The following ABI2 variants were observed in gnomAD, a reference collection of about 807,000 sequenced individuals.
ABI2 encodes abelson interactor 2.
ABI2 carries 25 observed loss-of-function variants against 59.2 expected under a neutral mutation model. The ratio of observed to expected loss-of-function variants is 0.42; its 90% CI spans 0.31 to 0.59. The LOEUF (loss-of-function observed/expected upper bound fraction) is 0.59, where lower values mean the gene tolerates loss of function less well. ABI2 is among the 20% of genes least tolerant of loss of function. The pLI, the probability that ABI2 is intolerant of heterozygous loss-of-function variation, is 0.14. For synonymous variants in ABI2, 213 were observed against 235.5 expected (o/e 0.90, Z 0.87); for missense variants, 545 against 681.8 (o/e 0.80, Z 2.23).
At chr2:203,354,782 C>A (rs1025417421) in intron 1 of ABI2, among the ~76,000 whole-genome samples, 6 of 152,138 alleles carry the variant, frequency 3.9e-5, no homozygotes, top group African/African-American at 1.2e-4. Flanking sequence ...TAACCTAAAT[C>A]TTTTATATTG....
chr2:203,406,918 C>T (rs891552634), intron 9 of ABI2, among the ~76,000 whole-genome samples: 3 of 152,038 alleles, frequency 2.0e-5, no homozygotes, highest in Non-Finnish European at 2.9e-5. Context: ...TTCCATCTGG[C>T]GTAACAAAGG....
chr2:203,386,173 G>C (rs897019485), intron 4 of ABI2, among the ~76,000 whole-genome samples: 8 of 152,104 alleles, frequency 5.3e-5, no homozygotes, highest in African/African-American at 1.9e-4. Context: ...AACAAAACTG[G>C]ACAGAGAATG....
intron 8 of ABI2, among the ~76,000 whole-genome samples, chr2:203,398,521 C>G (rs1242632329): frequency 6.6e-6 from 1 of 152,114 alleles, no homozygotes; most frequent in African/African-American, 2.4e-5. Context: ...TATACAGTAC[C>G]TGAGTTACCA....
At chr2:203,421,029 G>A (rs2098180687) in intron 11 of ABI2, among the ~76,000 whole-genome samples, 1 of 151,884 alleles carries the variant, frequency 6.6e-6, no homozygotes, top group South Asian at 2.1e-4. Flanking sequence ...ATTAGGTGGT[G>A]GGTGGCTAAA....
chr2:203,408,113 G>C (rs2097507617), intron 9 of ABI2, among the ~76,000 whole-genome samples: 1 of 151,880 alleles, frequency 6.6e-6, no homozygotes, highest in African/African-American at 2.4e-5. Flanking sequence ...TTGTTACCAA[G>C]TCATTCTTTT....
At chr2:203,410,547 G>A (rs1252305128) in intron 9 of ABI2, among the ~76,000 whole-genome samples, 1 of 152,120 alleles carries the variant, frequency 6.6e-6, no homozygotes, top group Non-Finnish European at 1.5e-5. Flanking sequence ...AATACACCTT[G>A]GGAAGGAGAG....
At chr2:203,367,452 AC>A (rs2094566599) in intron 2 of ABI2, 1 of 151,406 alleles carries the variant, frequency 6.6e-6, no homozygotes, top group Non-Finnish European at 1.5e-5. Flanking sequence ...ATGGTACCAT[AC>A]CTGCAATAAT....
At chr2:203,365,986 T>C (rs1425763406) in intron 1 of ABI2, among the ~76,000 whole-genome samples, 1 of 152,184 alleles carries the variant, frequency 6.6e-6, no homozygotes, top group East Asian at 1.9e-4. Flanking sequence ...TTGTTTATTT[T>C]TGTTTTTTAA....
At chr2:203,332,067 C>T (rs1202590379) in intron 1 of ABI2, among the ~76,000 whole-genome samples, 5 of 151,598 alleles carry the variant, frequency 3.3e-5, no homozygotes, top group African/African-American at 1.2e-4. Context: ...ACCTCGGCCT[C>T]CCAAAGTGCT....
Position 203,396,786 on chromosome 2 carries a change from C to T in ABI2, c.852C>T (p.Ala284=). 3 of 1,528,430 alleles carry T rather than the reference C, an allele frequency of 2.0e-6. No homozygotes were observed. In the South Asian group the frequency reaches 3.6e-5, roughly 19 times the overall value. 94.7% of individuals were successfully genotyped at this position (1,528,430 alleles called of 1,614,324 possible). A position where few individuals can be genotyped will look rare whatever the true frequency, so the allele number is the denominator to read the frequency against. Residue 284 remains alanine (A), a splice_region_variant and synonymous_variant, in exon 8 of 12, where the codon GCC becomes GCT. Transcript: ENST00000261018. ...CCTCTTACTCCTCTTTCCCCTCAGC[C>T]CCTGCTGGCTCTGCTGGCACTCCTC... is the stretch of plus-strand genomic sequence containing the variant. ...PTPSPPSVFP[A]PAGSAGTPPL... is the part of the protein sequence containing the mutation.
rs554251128 is a variant in ABI2, at chr2:203,397,773, C to A, written c.1033+806C>A. ...TTCTGGGGAGGCCTCAGGAAACTTA[C>A]ACTCATGGCCTAAGGCAGAGGGGAA... is the stretch of plus-strand genomic sequence containing the variant. On this transcript the variant is annotated intron_variant, in intron 8 of 11. Coordinates refer to ENST00000261018, the MANE Select transcript of ABI2 (RefSeq NM_001375670.1). Among the ~76,000 whole-genome samples the A allele has an allele frequency of 4.5e-4, 68 of 152,278 alleles. 2 individuals carry two copies. In the South Asian group the frequency reaches 0.014, roughly 31 times the overall value.
chr2:203,407,410 G>A (rs1171369643), intron 9 of ABI2, among the ~76,000 whole-genome samples: 2 of 152,124 alleles, frequency 1.3e-5, no homozygotes, highest in Non-Finnish European at 2.9e-5. Context: ...AGTTTTTAGA[G>A]CGCTTATTTT....
intron 4 of ABI2, among the ~76,000 whole-genome samples, chr2:203,389,644 A>G (rs1485208762): frequency 6.6e-6 from 1 of 152,212 alleles, no homozygotes; most frequent in African/African-American, 2.4e-5. Context: ...TAGCCATATT[A>G]TTTTTAGAAA....
rs1272714611 is a variant in ABI2 at position 203,396,833 on chromosome 2, C to T, written c.899C>T (p.Ser300Phe). 3 of 1,534,876 alleles carry T rather than the reference C, an allele frequency of 2.0e-6. No individual in the cohort carries two copies. Among genetic ancestry groups the T allele is most frequent in the Non-Finnish European group, 2.6e-6 (3 of 1,146,432 alleles). The change falls in exon 8 of 12, where the codon TCT (serine) becomes TTT (phenylalanine). Residue 300 changes from serine to phenylalanine, a missense_variant. Around this residue, in one of 4 missense-constraint regions of ABI2, gnomAD observed 410 missense variants for 435.6 expected, o/e 0.94. Transcript: ENST00000261018. ...GTPPLPATSASAPAPLVPATV... is the reference protein window; with the variant it reads ...GTPPLPATSAFAPAPLVPATV... Reference sequence around the variant, plus strand: ...CCTCCCCTTCCTGCTACTTCTGCATCTGCCCCTGCTCCTCTTGTTCCTGCT... The same window carrying T: ...CCTCCCCTTCCTGCTACTTCTGCATTTGCCCCTGCTCCTCTTGTTCCTGCT...
intron 11 of ABI2, among the ~76,000 whole-genome samples, chr2:203,423,484 G>A (rs1449477709): frequency 6.6e-6 from 1 of 152,206 alleles, no homozygotes; most frequent in African/African-American, 2.4e-5. Flanking sequence ...AGAGTGCAGT[G>A]GTGCAATCTC....
chr2:203,335,966 A>T lies in ABI2; in HGVS notation c.117+7335A>T, dbSNP rs144113751. 3.9e-5 allele frequency among the ~76,000 whole-genome samples: 6 copies of T among 152,290 alleles called. No homozygotes were observed. In the East Asian group the frequency reaches 1.2e-3, roughly 29 times the overall value. On this transcript the variant is annotated intron_variant, in intron 1 of 11. Transcript: ENST00000261018. ...TAGTCAGTCCTGTCCCTCCACTACT[A>T]GCCTTTGGTAAACACTGATATATTT...
chr2:203,384,887 T>C (rs1305572317), intron 4 of ABI2, among the ~76,000 whole-genome samples: 2 of 151,212 alleles, frequency 1.3e-5, no homozygotes, highest in Non-Finnish European at 2.9e-5. Context: ...CAGGCTGGAG[T>C]GCAGTGGCAC....
intron 2 of ABI2, among the ~76,000 whole-genome samples, chr2:203,371,441 A>G (rs922932877): frequency 9.9e-5 from 15 of 152,218 alleles, no homozygotes; most frequent in Admixed American, 8.5e-4. Context: ...TTTTGTATTA[A>G]AAGGACAATA....
At position 203,428,971 on chromosome 2, in the gene ABI2, A is replaced by G. The variant is rs970668465; in HGVS notation, c.*1619A>G. 2 of 152,236 alleles carry G rather than the reference A, an allele frequency of 1.3e-5. No individual in the cohort carries two copies. Among genetic ancestry groups the G allele is most frequent in the Non-Finnish European group, 2.9e-5 (2 of 68,036 alleles). 9.4% of individuals were successfully genotyped at this position (152,236 alleles called of 1,614,324 possible). A position where few individuals can be genotyped will look rare whatever the true frequency, so the allele number is the denominator to read the frequency against. ...GTGAACAAGTGTAGTAGTGTGTGAG[A>G]AAATTCAGATGGTGTCGGATGCAGA... On this transcript the variant is annotated 3_prime_UTR_variant, in exon 12 of 12. Coordinates refer to ENST00000261018, the MANE Select transcript of ABI2 (RefSeq NM_001375670.1).
Sources: allele counts gnomAD v4.1 joint callset (sites outside exome capture counted in the v4.1 genomes callset), GRCh38; gene constraint gnomAD v4.1.1; regional missense constraint gnomAD v4.1.1; transcripts MANE v1.5; gene names NCBI Gene and HGNC (gene_info 2026-07-23, HGNC 2026-07-21).